The following EIF3A variants were observed in gnomAD, a reference collection of about 807,000 sequenced individuals.
EIF3A encodes eukaryotic translation initiation factor 3 subunit A, also known as EIF3, p180 subunit.
Under a neutral mutation model 186.6 loss-of-function variants are expected in EIF3A, and 21 were observed. The ratio of observed to expected loss-of-function variants is 0.11; its 90% confidence interval spans 0.08 to 0.16. EIF3A has a LOEUF of 0.16. Ranked by LOEUF, EIF3A falls within the 10% of genes least tolerant of loss-of-function variation. The pLI, the probability that EIF3A is intolerant of heterozygous loss-of-function variation, is 1.00. For synonymous variants in EIF3A, 563 were observed against 584.3 expected (o/e 0.96, Z 0.52); for missense variants, 1,306 against 1,796.3 (o/e 0.73, Z 4.93).
intron 21 of EIF3A, 138 bp from the exon 22 acceptor site, chr10:119,036,406 G>A (rs971240155): frequency 5.4e-5 from 33 of 609,606 alleles, no homozygotes; most frequent in Admixed American, 2.1e-4. Context: ...ATTCTGTATT[G>A]TTAAATACAG....
Position 119,037,118 on chromosome 10 carries a change from CCTT to C in EIF3A, c.3917_3919del (p.Glu1306del). The C allele has an allele frequency of 1.4e-6, 2 of 1,461,328 alleles. No homozygotes were observed. Among genetic ancestry groups the C allele is most frequent in the Non-Finnish European group, 1.8e-6 (2 of 1,081,944 alleles). 90.5% of individuals were successfully genotyped at this position (1,461,328 alleles called of 1,614,324 possible). A position where few individuals can be genotyped will look rare whatever the true frequency, so the allele number is the denominator to read the frequency against. Reference sequence around the variant, plus strand: ...ACTTCAGTTGTATGTAACCTCTATACCTTCTTCACGTTCTGATCTGAGTGGAGG... The same window carrying C: ...ACTTCAGTTGTATGTAACCTCTATACCTTCACGTTCTGATCTGAGTGGAGG... On this transcript the variant is annotated inframe_deletion and splice_region_variant, in exon 21 of 22. Transcript: ENST00000369144.
At position 119,080,812 on chromosome 10, in the gene EIF3A, G is replaced by C; in HGVS notation, c.-136C>G. On this transcript the variant is annotated 5_prime_UTR_variant, in exon 1 of 22. Coordinates refer to ENST00000369144, the MANE Select transcript of EIF3A (RefSeq NM_003750.4). Reference sequence around the variant, plus strand: ...GCCCGCGCCCAGCCGGCCAGAGACGGAAAGGAAGGAGCCACGTGACCTCCC... The same window carrying C: ...GCCCGCGCCCAGCCGGCCAGAGACGCAAAGGAAGGAGCCACGTGACCTCCC... 7.1e-7 allele frequency: 1 copy of C among 1,418,268 alleles called. No individual in the cohort carries two copies. Among genetic ancestry groups the C allele is most frequent in the Non-Finnish European group, 9.2e-7 (1 of 1,084,858 alleles). The allele number at this position is 1,418,268 out of a possible 1,614,324, so 87.9% of individuals were successfully genotyped here.
chr10:119,059,263 C>A lies in EIF3A; in HGVS notation c.1578G>T (p.Met526Ile). Residue 526 changes from methionine (M) to isoleucine (I), a missense_variant, in exon 11 of 22, where the codon ATG (methionine) becomes ATT (isoleucine). Transcript: ENST00000369144. ...CAAGTGCTTTTGCAAGTACTGAGGA[C>A]ATGGCTGTCAGCTGGTTTCTTATCT... ...SEQIRNQLTAMSSVLAKALEV... is the reference protein window; with the variant it reads ...SEQIRNQLTAISSVLAKALEV... 1 of 1,614,196 alleles carries A rather than the reference C, an allele frequency of 6.2e-7. No individual in the cohort carries two copies. Among genetic ancestry groups the A allele is most frequent in the East Asian group, 2.2e-5 (1 of 44,880 alleles).
intron 4 of EIF3A, 50 bp downstream of exon 4, chr10:119,072,839 TC>T (rs1294951262): frequency 1.3e-6 from 2 of 1,553,770 alleles, no homozygotes; most frequent in Non-Finnish European, 1.7e-6. Flanking sequence ...GAAAATTTAC[TC>T]CTCAGTCAAT....
At chr10:119,068,029 T>C (rs1222617545) in intron 6 of EIF3A, among the ~76,000 whole-genome samples, 1 of 152,212 alleles carries the variant, frequency 6.6e-6, no homozygotes, top group Non-Finnish European at 1.5e-5. Context: ...CAGGCTGGTC[T>C]TGAACTCCTA....
At chr10:119,071,172 G>T in intron 4 of EIF3A, 87 bp from the exon 5 acceptor site, 1 of 977,618 alleles carries the variant, frequency 1.0e-6, no homozygotes, top group Non-Finnish European at 1.6e-6. Context: ...ATTAAGATCA[G>T]TTGTTTTAAC....
chr10:119,076,721 C>A (rs560253269), intron 1 of EIF3A, among the ~76,000 whole-genome samples: 1 of 151,982 alleles, frequency 6.6e-6, no homozygotes, highest in South Asian at 2.1e-4. Context: ...GCATCACTTG[C>A]GGTCAGGAGT....
intron 19 of EIF3A, among the ~76,000 whole-genome samples, chr10:119,039,268 T>G (rs1013530230): frequency 1.3e-5 from 2 of 152,220 alleles, no homozygotes; most frequent in Non-Finnish European, 2.9e-5. Context: ...TGGCTCACAC[T>G]TATGCATGGA....
At chr10:119,077,162 C>T (rs1050129556) in intron 1 of EIF3A, among the ~76,000 whole-genome samples, 10 of 152,102 alleles carry the variant, frequency 6.6e-5, no homozygotes, top group African/African-American at 2.4e-4. Context: ...TCCTGAACAG[C>T]CAATTAGAAG....
intron 14 of EIF3A, among the ~76,000 whole-genome samples, chr10:119,054,077 C>T (rs998429118): frequency 3.3e-5 from 5 of 152,130 alleles, no homozygotes; most frequent in African/African-American, 9.7e-5. Flanking sequence ...TCTGCCACCA[C>T]GCCCAGCTAA....
intron 1 of EIF3A, among the ~76,000 whole-genome samples, chr10:119,078,326 T>C (rs1013834596): frequency 2.6e-5 from 4 of 152,178 alleles, no homozygotes; most frequent in Non-Finnish European, 5.9e-5. Flanking sequence ...ATGACTACTA[T>C]AATTTTTCCC....
intron 1 of EIF3A, among the ~76,000 whole-genome samples, chr10:119,075,861 C>G (rs1488463187): frequency 7.0e-6 from 1 of 142,838 alleles, no homozygotes; most frequent in South Asian, 2.2e-4. Context: ...CTACGGAGCT[C>G]GCCACCACGC....
At chr10:119,051,178 C>T (rs775668670) in intron 15 of EIF3A, 21 bp downstream of exon 15, 2 of 1,588,602 alleles carry the variant, frequency 1.3e-6, no homozygotes, top group African/African-American at 2.7e-5. Flanking sequence ...ATAAACATTT[C>T]CCAAAAATCA....
At chr10:119,056,601 C>T in intron 14 of EIF3A, 139 bp downstream of exon 14, 2 of 582,680 alleles carry the variant, frequency 3.4e-6, no homozygotes, top group Non-Finnish European at 3.0e-6. Flanking sequence ...CTCTTTCTAC[C>T]AATCTGTTCA....
chr10:119,037,302 C>T lies in EIF3A; in HGVS notation c.3736G>A (p.Gly1246Ser), dbSNP rs781420362. The T allele has an allele frequency of 3.0e-5, 48 of 1,613,962 alleles. No individual in the cohort carries two copies. Among genetic ancestry groups the T allele is most frequent in the Non-Finnish European group, 4.0e-5 (47 of 1,179,992 alleles). Residue 1246 changes from glycine (G) to serine (S), a missense_variant, in exon 21 of 22, where the codon GGT becomes AGT. Coordinates refer to ENST00000369144, the MANE Select transcript of EIF3A (RefSeq NM_003750.4). ...TCAGCTGGTCCTCTTCTCCAGCCACCTTCATCCCTGTAGCCATTTACAATG... is the reference window on the plus strand; with the variant it reads ...TCAGCTGGTCCTCTTCTCCAGCCACTTTCATCCCTGTAGCCATTTACAATG... ...EDRFRRPRDEGGWRRGPAEES... is the reference protein window; with the variant it reads ...EDRFRRPRDESGWRRGPAEES...
At chr10:119,063,571 G>A (rs779056359) in intron 7 of EIF3A, among the ~76,000 whole-genome samples, 2 of 152,032 alleles carry the variant, frequency 1.3e-5, no homozygotes, top group Non-Finnish European at 2.9e-5. Flanking sequence ...TCCGTTTTTG[G>A]TAAACATACA....
At chr10:119,037,095 T>A in intron 21 of EIF3A, 24 bp downstream of exon 21, 2 of 877,596 alleles carry the variant, frequency 2.3e-6, no homozygotes, top group Non-Finnish European at 1.7e-6. Context: ...TCTCCAATAC[T>A]TCAGTTGTAT....
chr10:119,059,442 G>T, intron 10 of EIF3A, 45 bp from the exon 11 acceptor site: 1 of 1,425,268 alleles, frequency 7.0e-7, no homozygotes, highest in Non-Finnish European at 9.6e-7. Flanking sequence ...AAGTAAGCAT[G>T]AAGTCAAAAA....
intron 17 of EIF3A, among the ~76,000 whole-genome samples, chr10:119,047,050 G>A (rs1337147664): frequency 6.6e-6 from 1 of 152,056 alleles, no homozygotes; most frequent in East Asian, 1.9e-4. Flanking sequence ...AGTGGACCAC[G>A]AGGTCAGGAG....
Sources: gnomAD v4.1 joint callset for allele counts (sites outside exome capture counted in the v4.1 genomes callset) on GRCh38, gnomAD v4.1.1 for gene constraint, MANE v1.5 for transcripts, NCBI Gene and HGNC (gene_info 2026-07-23, HGNC 2026-07-21) for gene names.